DLG2: variants seen among roughly 807,000 people sequenced by gnomAD.
DLG2 encodes discs large MAGUK scaffold protein 2.
In DLG2, 45 loss-of-function variants were observed where a neutral mutation model predicts 132.5. That is an observed-to-expected ratio of 0.34 (90% CI 0.27 to 0.44). DLG2 has a LOEUF of 0.44. Ranked by LOEUF, DLG2 falls within the 20% of genes least tolerant of loss-of-function variation. The pLI is 1.00. For synonymous variants in DLG2, 424 were observed against 419.6 expected (o/e 1.01, Z -0.13); for missense variants, 1,045 against 1,196.9 (o/e 0.87, Z 1.87).
intron 7 of DLG2, among the ~76,000 whole-genome samples, chr11:84,305,490 G>A (rs1369512284): frequency 6.6e-6 from 1 of 152,144 alleles, no homozygotes; most frequent in Non-Finnish European, 1.5e-5. Flanking sequence ...GAAAATTGCA[G>A]ATGGTAGGAG....
In DLG2 at chr11:83,458,792, TAAA is replaced by T. The variant is rs1224378002; in HGVS notation, c.*1023_*1025del. ...GTTTGTCTCTGAAAAGCCATCAGCA[TAAA>T]AAAATGCATTAACCAAATGTCTTCC... On this transcript the variant is annotated 3_prime_UTR_variant, in exon 28 of 28. Coordinates refer to ENST00000376104, the MANE Select transcript of DLG2 (RefSeq NM_001142699.3). 8 of 152,280 alleles carry T rather than the reference TAAA, an allele frequency of 5.3e-5. No homozygotes were observed. In the East Asian group the frequency reaches 1.5e-3, roughly 29 times the overall value. 9.4% of individuals were successfully genotyped at this position (152,280 alleles called of 1,614,324 possible).
At chr11:85,562,099 C>T (rs1205894319) in intron 3 of DLG2, among the ~76,000 whole-genome samples, 1 of 151,744 alleles carries the variant, frequency 6.6e-6, no homozygotes, top group Non-Finnish European at 1.5e-5. Context: ...GAAAAAGGAA[C>T]TGTACCACCA....
chr11:84,224,409 A>C (rs2096960751), intron 8 of DLG2, among the ~76,000 whole-genome samples: 1 of 152,200 alleles, frequency 6.6e-6, no homozygotes, highest in Non-Finnish European at 1.5e-5. Context: ...TTTCTTAGGA[A>C]TTATTGAATA....
intron 6 of DLG2, among the ~76,000 whole-genome samples, chr11:84,936,422 A>G (rs1286627516): frequency 6.6e-6 from 1 of 152,162 alleles, no homozygotes; most frequent in Admixed American, 6.5e-5. Context: ...TTTCACTTAT[A>G]AAAATTTATG....
intron 6 of DLG2, among the ~76,000 whole-genome samples, chr11:84,938,718 C>T (rs946349426): frequency 1.3e-5 from 2 of 152,162 alleles, no homozygotes; most frequent in Non-Finnish European, 2.9e-5. Context: ...ATGCTACCTT[C>T]CCCAAAGCCA....
At chr11:84,241,114 C>A (rs558514235) in intron 8 of DLG2, among the ~76,000 whole-genome samples, 1 of 152,160 alleles carries the variant, frequency 6.6e-6, no homozygotes, top group Admixed American at 6.5e-5. Context: ...TCTTTTTATT[C>A]TTTAAGAGCT....
At chr11:85,033,673 C>A (rs544895079) in intron 6 of DLG2, among the ~76,000 whole-genome samples, 2 of 152,166 alleles carry the variant, frequency 1.3e-5, no homozygotes, top group Non-Finnish European at 2.9e-5. Context: ...TTGACCTTGG[C>A]AATGTCATTT....
chr11:85,552,964 T>C (rs189174391), intron 3 of DLG2, among the ~76,000 whole-genome samples: 6 of 151,764 alleles, frequency 4.0e-5, no homozygotes, highest in East Asian at 1.9e-4. Flanking sequence ...GGATACATCA[T>C]TGAGAAACTT....
intron 7 of DLG2, among the ~76,000 whole-genome samples, chr11:84,363,940 G>A (rs1460825222): frequency 6.6e-6 from 1 of 152,154 alleles, no homozygotes; most frequent in African/African-American, 2.4e-5. Flanking sequence ...AAGTCAGGTA[G>A]CATGATGCCT....
chr11:84,129,414 T>A (rs529896339), intron 9 of DLG2, among the ~76,000 whole-genome samples: 1 of 152,198 alleles, frequency 6.6e-6, no homozygotes, highest in South Asian at 2.1e-4. Flanking sequence ...ATTATCTATA[T>A]AAACTGTCCA....
chr11:84,169,943 AT>A (rs1471916873), intron 8 of DLG2, among the ~76,000 whole-genome samples: 4 of 152,100 alleles, frequency 2.6e-5, no homozygotes, highest in Non-Finnish European at 4.4e-5. Context: ...TTTAAAAAAA[AT>A]ATTCCCTTGC....
intron 6 of DLG2, among the ~76,000 whole-genome samples, chr11:84,980,192 A>G (rs1355493312): frequency 6.6e-6 from 1 of 152,194 alleles, no homozygotes; most frequent in African/African-American, 2.4e-5. Context: ...CTAAAAATTA[A>G]GAAAGTTATT....
chr11:84,903,376 T>C (rs1344240951), intron 6 of DLG2, among the ~76,000 whole-genome samples: 1 of 152,188 alleles, frequency 6.6e-6, no homozygotes, highest in Non-Finnish European at 1.5e-5. Flanking sequence ...CTTTAAGAGT[T>C]GAAAATTTCC....
At chr11:84,924,326 T>C (rs1166469459) in intron 6 of DLG2, among the ~76,000 whole-genome samples, 2 of 151,978 alleles carry the variant, frequency 1.3e-5, no homozygotes, top group Non-Finnish European at 2.9e-5. Context: ...GCAGCAAAAA[T>C]AGTGGGAGGA....
intron 6 of DLG2, among the ~76,000 whole-genome samples, chr11:84,695,605 T>C (rs891485456): frequency 8.6e-5 from 13 of 151,608 alleles, no homozygotes; most frequent in Non-Finnish European, 1.2e-4. Context: ...TTGCATGGAA[T>C]GGTTTTGTAT....
At chr11:83,803,520 T>A (rs1340995442) in intron 17 of DLG2, among the ~76,000 whole-genome samples, 1 of 152,162 alleles carries the variant, frequency 6.6e-6, no homozygotes, top group African/African-American at 2.4e-5. Context: ...GTGAACCTTA[T>A]TATTTTGTTC....
intron 6 of DLG2, among the ~76,000 whole-genome samples, chr11:84,629,392 G>C (rs118034055): frequency 9.2e-4 from 140 of 152,248 alleles, no homozygotes; most frequent in Non-Finnish European, 1.5e-3. Flanking sequence ...ACCTGCTTTA[G>C]AGAGTAGCTG....
rs559795474 is a variant in DLG2, at chr11:84,177,588, A to T, written c.574-14077T>A. On this transcript the variant is annotated intron_variant, in intron 8 of 27. Transcript: ENST00000376104. ...GATACTACTTATACTTACTTCAATA[A>T]GGTTGTTAGGGATTATAAATGAAGT... Among the ~76,000 whole-genome samples, 13 of 152,242 alleles carry T rather than the reference A, an allele frequency of 8.5e-5. 1 individual carries two copies. The South Asian group carries it at 1.7e-3, about 19-fold the overall frequency.
rs1243972783 is a variant in DLG2, at chr11:85,400,408, T to C, written c.41-115043A>G. ...AGGGATCTAGAACTAGAAATACCAT[T>C]TGACCCAGCCATCCCATTACTGGGT... On this transcript the variant is annotated intron_variant, in intron 3 of 27. Transcript: ENST00000376104. Among the ~76,000 whole-genome samples, 4 of 139,866 alleles carry C rather than the reference T, an allele frequency of 2.9e-5. No homozygotes were observed. In the East Asian group the frequency reaches 8.2e-4, roughly 29 times the overall value. 91.8% of individuals were successfully genotyped at this position (139,866 alleles called of 152,430 possible). A position where few individuals can be genotyped will look rare whatever the true frequency, so the allele number is the denominator to read the frequency against.
Sources: gnomAD v4.1 joint callset for allele counts (sites outside exome capture counted in the v4.1 genomes callset) on GRCh38, gnomAD v4.1.1 for gene constraint, MANE v1.5 for transcripts, NCBI Gene and HGNC (gene_info 2026-07-23, HGNC 2026-07-21) for gene names.